The following KCNH1 variants were observed in gnomAD, a reference collection of about 807,000 sequenced individuals.
KCNH1 encodes potassium voltage-gated channel subfamily H member 1.
KCNH1 carries 27 observed loss-of-function variants against 69.2 expected under a neutral mutation model. That is an observed-to-expected ratio of 0.39 (90% CI 0.29 to 0.54). KCNH1 has a LOEUF of 0.54. KCNH1 is among the 20% of genes least tolerant of loss of function. The pLI is 0.68. For synonymous variants in KCNH1, 456 were observed against 487.7 expected (o/e 0.93, Z 0.86); for missense variants, 798 against 1,261.6 (o/e 0.63, Z 5.57).
In KCNH1 at chr1:210,810,362, C is replaced by A. The variant is rs556446397; in HGVS notation, c.1463-6196G>T. On this transcript the variant is annotated intron_variant, in intron 7 of 10. Transcript: ENST00000271751. ...GGTTCTGAAAATTCGTAATAATGCA[C>A]CTTTTTGCTATGGTTCCATTTTCAT... 9.9e-5 allele frequency among the ~76,000 whole-genome samples: 15 copies of A among 152,220 alleles called. No individual in the cohort carries two copies. In the South Asian group the frequency reaches 3.1e-3, roughly 32 times the overall value.
At chr1:210,730,548 T>C (rs1459920579) in intron 10 of KCNH1, among the ~76,000 whole-genome samples, 1 of 152,006 alleles carries the variant, frequency 6.6e-6, no homozygotes, top group Non-Finnish European at 1.5e-5. Context: ...TGCCTAGTAA[T>C]TACTGATGAA....
At chr1:211,068,327 G>A (rs1236907358) in intron 5 of KCNH1, among the ~76,000 whole-genome samples, 1 of 152,202 alleles carries the variant, frequency 6.6e-6, no homozygotes, top group African/African-American at 2.4e-5. Flanking sequence ...AATACGTCAT[G>A]TAAATGCCTT....
chr1:211,027,021 T>C (rs1467828714), intron 5 of KCNH1, among the ~76,000 whole-genome samples: 2 of 152,100 alleles, frequency 1.3e-5, no homozygotes, highest in African/African-American at 4.8e-5. Context: ...ATCCAGAGAC[T>C]ACCCAAATGC....
chr1:210,969,510 T>C (rs1444348848), intron 6 of KCNH1, among the ~76,000 whole-genome samples: 2 of 152,094 alleles, frequency 1.3e-5, no homozygotes, highest in Admixed American at 1.3e-4. Flanking sequence ...AATTGAGTCG[T>C]TTATCTCCCC....
intron 7 of KCNH1, among the ~76,000 whole-genome samples, chr1:210,906,747 C>A (rs1245362662): frequency 6.6e-6 from 1 of 152,152 alleles, no homozygotes; most frequent in Non-Finnish European, 1.5e-5. Flanking sequence ...CAGAAGCTCC[C>A]CCTGCAAGTT....
chr1:210,775,240 C>A (rs1683838198), intron 10 of KCNH1, 108 bp downstream of exon 10: 3 of 910,712 alleles, frequency 3.3e-6, no homozygotes, highest in Non-Finnish European at 5.0e-6. Context: ...TCTTTAGAAC[C>A]AATTACTCTA....
At chr1:211,066,054 G>A (rs1302020645) in intron 5 of KCNH1, among the ~76,000 whole-genome samples, 1 of 151,938 alleles carries the variant, frequency 6.6e-6, no homozygotes, top group Non-Finnish European at 1.5e-5. Context: ...GTGAGCTCTT[G>A]TCTTAAAAAA....
chr1:210,903,597 G>A (rs1401607061), intron 7 of KCNH1, among the ~76,000 whole-genome samples: 3 of 152,126 alleles, frequency 2.0e-5, no homozygotes, highest in Admixed American at 6.5e-5. Flanking sequence ...GATGTACCTG[G>A]TATAAAGCAG....
At chr1:211,094,734 T>C (rs1691115220) in intron 3 of KCNH1, among the ~76,000 whole-genome samples, 1 of 152,178 alleles carries the variant, frequency 6.6e-6, no homozygotes, top group Non-Finnish European at 1.5e-5. Context: ...ATCCAGTGTT[T>C]TCAGTCCCAA....
At chr1:211,014,863 C>T (rs1452695488) in intron 6 of KCNH1, among the ~76,000 whole-genome samples, 2 of 152,146 alleles carry the variant, frequency 1.3e-5, no homozygotes, top group African/African-American at 4.8e-5. Context: ...CGTAACTCCA[C>T]AACAGATCAC....
At chr1:210,991,989 G>C (rs1688947192) in intron 6 of KCNH1, among the ~76,000 whole-genome samples, 1 of 152,162 alleles carries the variant, frequency 6.6e-6, no homozygotes, top group African/African-American at 2.4e-5. Context: ...AATACATAAA[G>C]AGGAGTTTCC....
chr1:210,826,579 TC>T (rs1188837878), intron 7 of KCNH1, among the ~76,000 whole-genome samples: 4 of 152,358 alleles, frequency 2.6e-5, no homozygotes, highest in African/African-American at 9.6e-5. Context: ...TTTTTACTTT[TC>T]CTTTCCTTCT....
chr1:210,751,790 G>T (rs948627675), intron 10 of KCNH1, among the ~76,000 whole-genome samples: 1 of 152,098 alleles, frequency 6.6e-6, no homozygotes, highest in African/African-American at 2.4e-5. Context: ...ATGAAGAAAT[G>T]CAAGAAATAA....
At chr1:210,734,542 C>G (rs1410543498) in intron 10 of KCNH1, among the ~76,000 whole-genome samples, 1 of 152,122 alleles carries the variant, frequency 6.6e-6, no homozygotes, top group Non-Finnish European at 1.5e-5. Context: ...TGTTTTTATT[C>G]AATATAATCC....
chr1:210,891,362 G>T (rs1486820464), intron 7 of KCNH1, among the ~76,000 whole-genome samples: 2 of 152,150 alleles, frequency 1.3e-5, no homozygotes, highest in African/African-American at 4.8e-5. Context: ...GACACAGGGT[G>T]AGGAACATCA....
At chr1:210,832,684 G>A (rs1053800124) in intron 7 of KCNH1, among the ~76,000 whole-genome samples, 3 of 151,910 alleles carry the variant, frequency 2.0e-5, no homozygotes, top group African/African-American at 7.2e-5. Context: ...GATCACAAAT[G>A]ACATCAATCA....
chr1:210,684,227 C>T (rs1681354752), intron 10 of KCNH1, 89 bp from the exon 11 acceptor site: 1 of 1,362,118 alleles, frequency 7.3e-7, no homozygotes, highest in Non-Finnish European at 9.6e-7. Flanking sequence ...TATCTTGGCC[C>T]TCTGCTTCCA....
intron 10 of KCNH1, among the ~76,000 whole-genome samples, chr1:210,696,772 C>T (rs1353071235): frequency 6.6e-6 from 1 of 152,178 alleles, no homozygotes; most frequent in African/African-American, 2.4e-5. Context: ...CTATTTTTCT[C>T]ATTCAGAGGA....
chr1:210,822,601 G>T (rs574622599), intron 7 of KCNH1, among the ~76,000 whole-genome samples: 1 of 152,202 alleles, frequency 6.6e-6, no homozygotes, highest in East Asian at 1.9e-4. Flanking sequence ...CAATTTTCAA[G>T]CAAGAGGACC....
Sources: gnomAD v4.1 joint callset for allele counts (sites outside exome capture counted in the v4.1 genomes callset) on GRCh38, gnomAD v4.1.1 for gene constraint, MANE v1.5 for transcripts, NCBI Gene and HGNC (gene_info 2026-07-23, HGNC 2026-07-21) for gene names.